Variants in PPIP5K2 observed in about 807,000 individuals in gnomAD.
The protein encoded by PPIP5K2 is diphosphoinositol pentakisphosphate kinase 2.
Under a neutral mutation model 154.6 loss-of-function variants are expected in PPIP5K2, and 105 were observed. That is an observed-to-expected ratio of 0.68 (90% CI 0.58 to 0.80). The LOEUF (loss-of-function observed/expected upper bound fraction) is 0.80, where lower values mean the gene tolerates loss of function less well. PPIP5K2 is among the 30% of genes least tolerant of loss of function. The pLI, the probability that PPIP5K2 is intolerant of heterozygous loss-of-function variation, is 0.00. For synonymous variants in PPIP5K2, 480 were observed against 490.3 expected (o/e 0.98, Z 0.28); for missense variants, 992 against 1,504.6 (o/e 0.66, Z 5.64).
At chr5:103,150,664 C>T (rs1289905406) in intron 8 of PPIP5K2, among the ~76,000 whole-genome samples, 2 of 152,008 alleles carry the variant, frequency 1.3e-5, no homozygotes, top group Non-Finnish European at 2.9e-5. Flanking sequence ...CCAGCTACTG[C>T]GGTGGCTGGG....
rs1554221510 is a variant in PPIP5K2 at position 103,177,903 on chromosome 5, T to C, written c.2677T>C (p.Phe893Leu). The C allele has an allele frequency of 6.2e-7, 1 of 1,613,292 alleles. No homozygotes were observed. Among genetic ancestry groups the C allele is most frequent in the Middle Eastern group, 1.7e-4 (1 of 6,056 alleles). The change falls in exon 23 of 31, where the codon TTT becomes CTT. Residue 893 changes from phenylalanine to leucine, a missense_variant. Transcript: ENST00000358359. ...AGAACGCTTTCATGTTGAATTACAC[T>C]TTAGTCCGGGAGCCAAAGGTTGTGA... ...SEERFHVELH[F>L]SPGAKGCEED...
At position 103,211,766 on chromosome 5, in the gene PPIP5K2, T is replaced by A. The variant is rs1376286157; in HGVS notation, c.*10132T>A. The A allele has an allele frequency of 6.6e-6, 1 of 151,960 alleles. No individual in the cohort carries two copies. Among genetic ancestry groups the A allele is most frequent in the Non-Finnish European group, 1.5e-5 (1 of 67,972 alleles). 9.4% of individuals were successfully genotyped at this position (151,960 alleles called of 1,614,324 possible). On this transcript the variant is annotated 3_prime_UTR_variant, in exon 31 of 31. Coordinates refer to ENST00000358359, the MANE Select transcript of PPIP5K2 (RefSeq NM_001276277.3). ...CTGATGATACAAATATGAAAAGTCCTGTTTCCAGGGAATTTACTTTCTAAT... is the reference window on the plus strand; with the variant it reads ...CTGATGATACAAATATGAAAAGTCCAGTTTCCAGGGAATTTACTTTCTAAT...
Position 103,177,990 on chromosome 5 carries a change from G to T in PPIP5K2, c.2754+10G>T. The T allele has an allele frequency of 2.6e-6, 4 of 1,527,200 alleles. No homozygotes were observed. Among genetic ancestry groups the T allele is most frequent in the Non-Finnish European group, 3.6e-6 (4 of 1,101,772 alleles). The allele number at this position is 1,527,200 out of a possible 1,614,324, so 94.6% of individuals were successfully genotyped here. A position where few individuals can be genotyped will look rare whatever the true frequency, so the allele number is the denominator to read the frequency against. On this transcript the variant is annotated intron_variant, in intron 23 of 30. Coordinates refer to ENST00000358359, the MANE Select transcript of PPIP5K2 (RefSeq NM_001276277.3). ...ACCAGCTTCCAGAGAGGTAATGAAG[G>T]TGGAACTCTCAGTGCTTAGTTACTA...
intron 28 of PPIP5K2, among the ~76,000 whole-genome samples, chr5:103,187,609 G>C (rs1367214446): frequency 1.3e-5 from 2 of 151,994 alleles, no homozygotes; most frequent in African/African-American, 4.8e-5. Context: ...TGACCACAAT[G>C]ATGATGAGTT....
At chr5:103,156,095 T>C (rs1795371530) in intron 14 of PPIP5K2, 101 bp downstream of exon 14, 8 of 717,430 alleles carry the variant, frequency 1.1e-5, no homozygotes, top group Non-Finnish European at 2.3e-6. Flanking sequence ...GTTTAGGGAA[T>C]GGCATGGTGA....
At chr5:103,127,720 A>C (rs1469236955) in intron 1 of PPIP5K2, among the ~76,000 whole-genome samples, 1 of 152,214 alleles carries the variant, frequency 6.6e-6, no homozygotes, top group Non-Finnish European at 1.5e-5. Context: ...ACTAATAGCA[A>C]CTAGCACAAG....
intron 21 of PPIP5K2, 32 bp downstream of exon 21, chr5:103,174,004 AT>A (rs782499502): frequency 7.0e-7 from 1 of 1,424,286 alleles, no homozygotes. Context: ...AGTCTAACAA[AT>A]ATATTTAATT....
chr5:103,150,000 C>T (rs1794379103), intron 8 of PPIP5K2, among the ~76,000 whole-genome samples: 1 of 151,878 alleles, frequency 6.6e-6, no homozygotes, highest in African/African-American at 2.4e-5. Context: ...CGGCCAAAAC[C>T]ATTTCTTGAA....
At chr5:103,142,175 C>T (rs1792845366) in intron 5 of PPIP5K2, among the ~76,000 whole-genome samples, 1 of 152,238 alleles carries the variant, frequency 6.6e-6, no homozygotes. Flanking sequence ...CCGAGCCCTG[C>T]CCTGCGGGAA....
At chr5:103,157,425 G>A (rs1462027762) in intron 14 of PPIP5K2, among the ~76,000 whole-genome samples, 2 of 152,022 alleles carry the variant, frequency 1.3e-5, no homozygotes, top group Non-Finnish European at 2.9e-5. Context: ...ATAAATGTTA[G>A]GCTCTGTCAT....
In PPIP5K2 at chr5:103,210,220, G is replaced by C. The variant is rs1554232514; in HGVS notation, c.*8586G>C. 6.6e-6 allele frequency: 1 copy of C among 152,152 alleles called. No individual in the cohort carries two copies. The highest frequency in any genetic ancestry group is 2.4e-5 in the African/African-American group (1 of 41,442). 9.4% of individuals were successfully genotyped at this position (152,152 alleles called of 1,614,324 possible). A position where few individuals can be genotyped will look rare whatever the true frequency, so the allele number is the denominator to read the frequency against. ...CTGATCAATTCACAACTCAAGGAAA[G>C]CATGGAGTAATTTCAGAACTCCAGT... On this transcript the variant is annotated 3_prime_UTR_variant, in exon 31 of 31. Transcript: ENST00000358359.
chr5:103,127,170 A>C (rs782503953), intron 1 of PPIP5K2, among the ~76,000 whole-genome samples: 3 of 152,266 alleles, frequency 2.0e-5, no homozygotes, highest in Non-Finnish European at 4.4e-5. Context: ...ACTAGAAGGA[A>C]GTACAATACA....
intron 14 of PPIP5K2, 120 bp downstream of exon 14, chr5:103,156,114 A>G: frequency 1.6e-6 from 1 of 622,692 alleles, no homozygotes. Context: ...GAGGAAAAAT[A>G]AAGTGGAATT....
intron 30 of PPIP5K2, among the ~76,000 whole-genome samples, chr5:103,197,259 C>G (rs1554228825): frequency 6.6e-6 from 1 of 151,808 alleles, no homozygotes; most frequent in Non-Finnish European, 1.5e-5. Flanking sequence ...TTGTTTCTTC[C>G]TTGAATGTTT....
intron 2 of PPIP5K2, among the ~76,000 whole-genome samples, chr5:103,132,475 G>C (rs1010440834): frequency 6.6e-6 from 1 of 152,112 alleles, no homozygotes; most frequent in Admixed American, 6.5e-5. Context: ...GAACCCGGGA[G>C]GCGGAGGTTG....
chr5:103,145,144 A>G (rs147041758), intron 5 of PPIP5K2, among the ~76,000 whole-genome samples: 4 of 152,278 alleles, frequency 2.6e-5, no homozygotes, highest in African/African-American at 7.2e-5. Context: ...GCCAATAGGT[A>G]TATGAAAATA....
chr5:103,189,603 T>A (rs1800912983), intron 28 of PPIP5K2, among the ~76,000 whole-genome samples: 1 of 152,092 alleles, frequency 6.6e-6, no homozygotes, highest in Admixed American at 6.6e-5. Context: ...TATAGTTTTG[T>A]TTTTGTTTTT....
chr5:103,158,606 T>G (rs1178813914), intron 16 of PPIP5K2, 33 bp downstream of exon 16: 3 of 1,515,806 alleles, frequency 2.0e-6, no homozygotes, highest in African/African-American at 2.9e-5. Flanking sequence ...ATTATTAGAG[T>G]TTTTAATCTA....
chr5:103,161,074 C>T (rs1289087404), intron 17 of PPIP5K2, among the ~76,000 whole-genome samples: 1 of 151,752 alleles, frequency 6.6e-6, no homozygotes, highest in Non-Finnish European at 1.5e-5. Context: ...TCGTCATTTA[C>T]ATTAGGTATA....
Sources: allele counts gnomAD v4.1 joint callset (sites outside exome capture counted in the v4.1 genomes callset), GRCh38; gene constraint gnomAD v4.1.1; transcripts MANE v1.5; gene names NCBI Gene and HGNC (gene_info 2026-07-23, HGNC 2026-07-21).